UBAC2: variants seen among roughly 807,000 people sequenced by gnomAD.
The protein encoded by UBAC2 is ubiquitin-associated domain-containing protein 2.
A neutral mutation model predicts 44.0 loss-of-function variants in UBAC2; 26 were observed. That is an observed-to-expected ratio of 0.59 (90% CI 0.43 to 0.82). The LOEUF is 0.82. UBAC2 is among the 40% of genes least tolerant of loss of function. UBAC2 has a pLI of 0.00. For missense variants in UBAC2, 329 were observed against 419.4 expected, an observed-to-expected ratio of 0.78 and a Z score of 1.88; for synonymous variants, 155 against 154.3, an observed-to-expected ratio of 1.00 and a Z score of -0.04.
chr13:99,212,997 C>T (rs1423198007), intron 1 of UBAC2, among the ~76,000 whole-genome samples: 5 of 152,164 alleles, frequency 3.3e-5, no homozygotes, highest in South Asian at 2.1e-4. Flanking sequence ...ATGATTCCCA[C>T]GCCCACGTAA....
intron 2 of UBAC2, among the ~76,000 whole-genome samples, chr13:99,242,663 C>CAT (rs2043325481): frequency 3.6e-5 from 1 of 27,454 alleles, no homozygotes. Context: ...CCGGACGGGG[C>CAT]GGCTGGCCGG....
intron 4 of UBAC2, among the ~76,000 whole-genome samples, chr13:99,286,714 G>A (rs189647628): frequency 5.6e-4 from 85 of 152,204 alleles, no homozygotes; most frequent in Non-Finnish European, 9.3e-4. Flanking sequence ...GTGTCCATGT[G>A]TATTCAATGT....
At chr13:99,379,531 CT>C (rs756660020) in intron 8 of UBAC2, among the ~76,000 whole-genome samples, 47 of 152,186 alleles carry the variant, frequency 3.1e-4, no homozygotes, top group Admixed American at 1.8e-3. Flanking sequence ...CTGATAGATC[CT>C]TGCTTGTTTC....
rs1270829438 is a variant in UBAC2 at position 99,385,387 on chromosome 13, G to A, written c.*52G>A. On this transcript the variant is annotated 3_prime_UTR_variant, in exon 9 of 9. Transcript: ENST00000403766. ...ACCGGCAGCCGAGTGACAGTGCGTG[G>A]TCCCCACCATCAGATCAGCCCGGGG... 1 of 1,450,792 alleles carries A rather than the reference G, an allele frequency of 6.9e-7. No individual in the cohort carries two copies. The highest frequency in any genetic ancestry group is 1.7e-5 in the Admixed American group (1 of 59,510). The allele number at this position is 1,450,792 out of a possible 1,614,324, so 89.9% of individuals were successfully genotyped here. A position where few individuals can be genotyped will look rare whatever the true frequency, so the allele number is the denominator to read the frequency against.
chr13:99,294,060 A>T (rs899932859), intron 4 of UBAC2, among the ~76,000 whole-genome samples: 11 of 152,150 alleles, frequency 7.2e-5, no homozygotes, highest in Admixed American at 2.0e-4. Context: ...GCAAGTATAT[A>T]ATATTGTAAA....
intron 2 of UBAC2, among the ~76,000 whole-genome samples, chr13:99,240,633 C>G (rs752630875): frequency 7.9e-5 from 12 of 152,156 alleles, no homozygotes; most frequent in Non-Finnish European, 1.6e-4. Flanking sequence ...TATGTGCTCT[C>G]GTGTACTGCC....
intron 4 of UBAC2, among the ~76,000 whole-genome samples, chr13:99,274,731 T>TA (rs1191840285): frequency 6.7e-6 from 1 of 150,248 alleles, no homozygotes; most frequent in Non-Finnish European, 1.5e-5. Context: ...CTTTTTTTTT[T>TA]TTTTGAGACA....
At chr13:99,265,413 G>A (rs1455700435) in intron 4 of UBAC2, among the ~76,000 whole-genome samples, 1 of 152,242 alleles carries the variant, frequency 6.6e-6, no homozygotes, top group Non-Finnish European at 1.5e-5. Flanking sequence ...TTCTCAGACT[G>A]TGTTGGCTTA....
Position 99,361,095 on chromosome 13 carries a change from T to C in UBAC2, c.808-6692T>C, listed in dbSNP as rs1389393415. 2.0e-5 allele frequency among the ~76,000 whole-genome samples: 3 copies of C among 152,190 alleles called. No homozygotes were observed. The East Asian group carries it at 5.8e-4, about 29-fold the overall frequency. On this transcript the variant is annotated intron_variant, in intron 7 of 8. Transcript: ENST00000403766. Reference sequence around the variant, plus strand: ...ATAAAATGTCAGAAACTTTTACTGCTCCTCGGTTGGGAAACCATCATGTAT... The same window carrying C: ...ATAAAATGTCAGAAACTTTTACTGCCCCTCGGTTGGGAAACCATCATGTAT...
chr13:99,384,173 G>A (rs1164009610), intron 8 of UBAC2, among the ~76,000 whole-genome samples: 1 of 152,108 alleles, frequency 6.6e-6, no homozygotes, highest in Non-Finnish European at 1.5e-5. Flanking sequence ...CAAGTAGCTC[G>A]CTCTCTTTCG....
At chr13:99,361,484 G>C (rs1480205984) in intron 7 of UBAC2, among the ~76,000 whole-genome samples, 3 of 152,178 alleles carry the variant, frequency 2.0e-5, no homozygotes, top group Non-Finnish European at 2.9e-5. Context: ...TCACTCTCTT[G>C]TAAGAAATGA....
rs1283079775 is a variant in UBAC2, at chr13:99,340,328, T to C, written c.570T>C (p.Gly190=). 6.2e-7 allele frequency: 1 copy of C among 1,613,846 alleles called. No individual in the cohort carries two copies. Among genetic ancestry groups the C allele is most frequent in the East Asian group, 2.2e-5 (1 of 44,902 alleles). Residue 190 remains glycine (G), a synonymous_variant, in exon 7 of 9, where the codon GGT becomes GGC. Coordinates refer to ENST00000403766, the MANE Select transcript of UBAC2 (RefSeq NM_001144072.2). ...GGACGTTTTTCTTCTAGATGTCCGG[T>C]CTGTGCTACGACAGCAAAATGTTCC... ...WIVAISGLMS[G]LCYDSKMFQV...
At chr13:99,201,456 C>A in intron 1 of UBAC2, 1 of 1,614,166 alleles carries the variant, frequency 6.2e-7, no homozygotes, top group Non-Finnish European at 8.5e-7. Flanking sequence ...TAGACAAACA[C>A]ACACTGATGA....
At chr13:99,205,159 C>T (rs1235956525) in intron 1 of UBAC2, among the ~76,000 whole-genome samples, 1 of 152,216 alleles carries the variant, frequency 6.6e-6, no homozygotes, top group Non-Finnish European at 1.5e-5. Context: ...GCCTCGGCCT[C>T]CCAGAGTGCT....
At chr13:99,371,069 T>G (rs1695131132) in intron 8 of UBAC2, among the ~76,000 whole-genome samples, 1 of 152,102 alleles carries the variant, frequency 6.6e-6, no homozygotes, top group Non-Finnish European at 1.5e-5. Flanking sequence ...AAAGGTGATA[T>G]ATTTCTCAGT....
chr13:99,215,416 G>A, intron 1 of UBAC2: 1 of 1,301,344 alleles, frequency 7.7e-7, no homozygotes, highest in Admixed American at 1.7e-5. Context: ...AGAGATTTGT[G>A]GATGTGTGGA....
intron 1 of UBAC2, among the ~76,000 whole-genome samples, chr13:99,222,021 G>T (rs1246538198): frequency 6.6e-6 from 1 of 152,058 alleles, no homozygotes; most frequent in Non-Finnish European, 1.5e-5. Context: ...TGCCTCATAG[G>T]GTTATTTTGA....
At chr13:99,237,262 A>ATG (rs200755088) in intron 1 of UBAC2, among the ~76,000 whole-genome samples, 1,105 of 110,028 alleles carry the variant, frequency 0.01, 13 homozygotes, top group African/African-American at 0.033. Flanking sequence ...GCGTATATAT[A>ATG]TATATATATA....
At chr13:99,248,606 C>T (rs1187379762) in intron 4 of UBAC2, among the ~76,000 whole-genome samples, 2 of 152,222 alleles carry the variant, frequency 1.3e-5, no homozygotes, top group Non-Finnish European at 2.9e-5. Context: ...TGGTCACAAA[C>T]TCCTGACCTC....
Sources: allele counts gnomAD v4.1 joint callset (sites outside exome capture counted in the v4.1 genomes callset), GRCh38; gene constraint gnomAD v4.1.1; transcripts MANE v1.5; gene names NCBI Gene and HGNC (gene_info 2026-07-23, HGNC 2026-07-21).